Variants in TRIT1 observed in about 807,000 individuals in gnomAD.
TRIT1 encodes tRNA dimethylallyltransferase.
In TRIT1, 43 loss-of-function variants were observed where a neutral mutation model predicts 51.2. The observed-to-expected ratio is 0.84, with a 90% CI of 0.66 to 1.08. The LOEUF (loss-of-function observed/expected upper bound fraction) is 1.08, where lower values mean the gene tolerates loss of function less well. TRIT1 is among the 50% of genes least tolerant of loss of function. The probability of loss-of-function intolerance (pLI) is 0.00; values close to 1 mark genes in which losing one functional copy is unlikely to be tolerated. For synonymous variants in TRIT1, 184 were observed against 203.9 expected (o/e 0.90, Z 0.83); for missense variants, 528 against 578.4 (o/e 0.91, Z 0.89).
rs757427605 is a variant in TRIT1 at position 39,841,937 on chromosome 1, A to C, written c.1235-24T>G. The stretch of plus-strand genomic sequence containing the variant: ...CGCTGATAAGACAAAATCAAACCAA[A>C]CAAACAAAAAAACTCATTAGGAATT... On this transcript the variant is annotated intron_variant, in intron 10 of 10. Transcript: ENST00000316891. The C allele has an allele frequency of 1.0e-5, 16 of 1,583,422 alleles. No homozygotes were observed. The highest frequency in any genetic ancestry group is 1.4e-5 in the Non-Finnish European group (16 of 1,169,432).
At chr1:39,855,446 T>C (rs1642838836) in intron 2 of TRIT1, among the ~76,000 whole-genome samples, 1 of 152,194 alleles carries the variant, frequency 6.6e-6, no homozygotes, top group Non-Finnish European at 1.5e-5. Flanking sequence ...ATACACAAGT[T>C]AAATATCCCT....
chr1:39,872,286 CTAACTGCAT>C (rs1643904440), intron 1 of TRIT1, among the ~76,000 whole-genome samples: 1 of 152,026 alleles, frequency 6.6e-6, no homozygotes, highest in Non-Finnish European at 1.5e-5. Context: ...CAAATGAAAT[CTAACTGCAT>C]TACAAACGTC....
chr1:39,874,335 C>T (rs1643975366), intron 1 of TRIT1, among the ~76,000 whole-genome samples: 1 of 152,152 alleles, frequency 6.6e-6, no homozygotes, highest in African/African-American at 2.4e-5. Context: ...AACCCACCTC[C>T]CCAGTTATTA....
At chr1:39,851,107 G>A (rs1029066993) in intron 4 of TRIT1, among the ~76,000 whole-genome samples, 7 of 151,860 alleles carry the variant, frequency 4.6e-5, no homozygotes, top group Admixed American at 2.6e-4. Context: ...AAACCCTAAC[G>A]CAAGAGTGTA....
At chr1:39,880,676 G>A (rs1042329145) in intron 1 of TRIT1, among the ~76,000 whole-genome samples, 1 of 152,014 alleles carries the variant, frequency 6.6e-6, no homozygotes, top group Non-Finnish European at 1.5e-5. Context: ...GCGGGCGTCT[G>A]TAATTCCAGC....
intron 1 of TRIT1, 62 bp downstream of exon 1, chr1:39,883,256 C>CCA: frequency 4.6e-6 from 7 of 1,538,372 alleles, no homozygotes; most frequent in Non-Finnish European, 5.3e-6. Context: ...AAGACCTTTG[C>CCA]CACAGGGTGT....
In TRIT1 at chr1:39,853,983, A is replaced by T. The variant is rs1485431936; in HGVS notation, c.401T>A (p.Leu134His). 3 of 1,612,660 alleles carry T rather than the reference A, an allele frequency of 1.9e-6. No individual in the cohort carries two copies. The highest frequency in any genetic ancestry group is 2.5e-6 in the Non-Finnish European group (3 of 1,179,368). ...AACTAAACTTACCTTGGTATTGACA[A>T]GAACTTTCCAGAGCAGAGATTCAAT... ...YYIESLLWKV[L>H]VNTKPQEMGT... Residue 134 changes from leucine to histidine, a missense_variant, in exon 3 of 11, where the codon CTT becomes CAT. Leu to His is a moderately conservative substitution (Grantham distance 99, BLOSUM62 -3). Transcript: ENST00000316891.
intron 1 of TRIT1, among the ~76,000 whole-genome samples, chr1:39,866,660 A>G (rs575383990): frequency 6.6e-6 from 1 of 152,302 alleles, no homozygotes; most frequent in East Asian, 1.9e-4. Flanking sequence ...AATAAACTGG[A>G]CACATTAAGA....
At chr1:39,854,141 A>T in intron 2 of TRIT1, 73 bp from the exon 3 acceptor site, 1 of 1,110,150 alleles carries the variant, frequency 9.0e-7, no homozygotes, top group Non-Finnish European at 1.3e-6. Context: ...TTAGCAAGAA[A>T]CCACATTCAT....
In TRIT1 at chr1:39,876,555, T is replaced by C. The variant is rs532425868; in HGVS notation, c.174+6763A>G. Among the ~76,000 whole-genome samples the C allele has an allele frequency of 3.6e-3, 528 of 145,190 alleles. 1 individual carries two copies. Among genetic ancestry groups the C allele is most frequent in the African/African-American group, 0.013 (484 of 38,014 alleles). ...ATCTATCTATCTATCTATCTATCTA[T>C]CTATATATATATATGAATGATGAGT... On this transcript the variant is annotated intron_variant, in intron 1 of 10. Transcript: ENST00000316891.
intron 2 of TRIT1, among the ~76,000 whole-genome samples, chr1:39,854,438 T>C (rs1557548201): frequency 6.6e-6 from 1 of 152,226 alleles, no homozygotes; most frequent in Admixed American, 6.5e-5. Context: ...TGACATCCAT[T>C]GCATGACTTT....
At position 39,841,648 on chromosome 1, in the gene TRIT1, C is replaced by T. The variant is rs996987612; in HGVS notation, c.*96G>A. 24 of 1,272,440 alleles carry T rather than the reference C, an allele frequency of 1.9e-5. No homozygotes were observed. Among genetic ancestry groups the T allele is most frequent in the Middle Eastern group, 4.5e-4 (2 of 4,476 alleles). The allele number at this position is 1,272,440 out of a possible 1,614,324, so 78.8% of individuals were successfully genotyped here. ...AGCTTTTCTGCTATGCAGAGAATTC[C>T]GCATAGCACTCCTTTGCCCAGACTG... On this transcript the variant is annotated 3_prime_UTR_variant, in exon 11 of 11. Coordinates refer to ENST00000316891, the MANE Select transcript of TRIT1 (RefSeq NM_017646.6).
At chr1:39,859,047 T>C (rs1008518515) in intron 1 of TRIT1, among the ~76,000 whole-genome samples, 1 of 151,882 alleles carries the variant, frequency 6.6e-6, no homozygotes, top group African/African-American at 2.4e-5. Context: ...TGTCAGGAGT[T>C]CGAGACCAGC....
intron 1 of TRIT1, among the ~76,000 whole-genome samples, chr1:39,873,900 G>A (rs1019262122): frequency 1.3e-5 from 2 of 151,960 alleles, no homozygotes; most frequent in African/African-American, 4.8e-5. Flanking sequence ...GCGTATGCCT[G>A]TAGTCCCAGG....
At chr1:39,853,240 T>C (rs1642690222) in intron 3 of TRIT1, among the ~76,000 whole-genome samples, 1 of 152,172 alleles carries the variant, frequency 6.6e-6, no homozygotes, top group African/African-American at 2.4e-5. Flanking sequence ...TTACCCTACA[T>C]AGTAGCACCT....
At chr1:39,876,979 C>A (rs1206587206) in intron 1 of TRIT1, among the ~76,000 whole-genome samples, 1 of 138,972 alleles carries the variant, frequency 7.2e-6, no homozygotes, top group Non-Finnish European at 1.5e-5. Context: ...GTGGCAAATA[C>A]CTTCCAGATA....
At chr1:39,876,534 ATCTATC>A (rs1644058760) in intron 1 of TRIT1, among the ~76,000 whole-genome samples, 4 of 145,700 alleles carry the variant, frequency 2.7e-5, no homozygotes, top group African/African-American at 9.9e-5. Context: ...ATGTGTATCT[ATCTATC>A]TATCTATCTA....
At chr1:39,876,324 T>C (rs1644050869) in intron 1 of TRIT1, among the ~76,000 whole-genome samples, 2 of 152,218 alleles carry the variant, frequency 1.3e-5, no homozygotes. Flanking sequence ...GCCTCATCTG[T>C]GCTCTCCTAT....
chr1:39,853,831 T>C, intron 3 of TRIT1, 139 bp downstream of exon 3: 1 of 620,720 alleles, frequency 1.6e-6, no homozygotes, highest in South Asian at 2.0e-5. Flanking sequence ...GAGGTGGCAT[T>C]TGCTTGAGAA....
Sources: gnomAD v4.1 joint callset for allele counts (sites outside exome capture counted in the v4.1 genomes callset) on GRCh38, gnomAD v4.1.1 for gene constraint, MANE v1.5 for transcripts, NCBI Gene and HGNC (gene_info 2026-07-23, HGNC 2026-07-21) for gene names.